The following ZNF507 variants were observed in gnomAD, a reference collection of about 807,000 sequenced individuals.
ZNF507 encodes the protein zinc finger protein 507.
A neutral mutation model predicts 80.0 loss-of-function variants in ZNF507; 29 were observed. The ratio of observed to expected loss-of-function variants is 0.36; its 90% CI spans 0.27 to 0.49. The LOEUF (loss-of-function observed/expected upper bound fraction) is 0.49. Ranked by LOEUF, ZNF507 falls within the 20% of genes least tolerant of loss-of-function variation. The pLI, the probability that ZNF507 is intolerant of heterozygous loss-of-function variation, is 0.98. For synonymous variants in ZNF507, 462 were observed against 422.5 expected, an observed-to-expected ratio of 1.09 and a Z score of -1.15; for missense variants, 1,081 against 1,152.2, an observed-to-expected ratio of 0.94 and a Z score of 0.90.
At position 32,353,043 on chromosome 19, in the gene ZNF507, A is replaced by C; in HGVS notation, c.213A>C (p.Pro71=). 6.2e-7 allele frequency: 1 copy of C among 1,614,054 alleles called. No individual in the cohort carries two copies. The highest frequency in any genetic ancestry group is 8.5e-7 in the Non-Finnish European group (1 of 1,179,958). The change falls in exon 3 of 7, where the codon CCA becomes CCC. Residue 71 remains proline, a synonymous_variant. Transcript: ENST00000355898. ...QKCLLIGKKR[P]RSSAATHSLE... is the part of the protein sequence containing the mutation. ...GTCTTTTAATTGGGAAGAAACGCCC[A>C]CGTTCAAGTGCTGCAACACACTCTC...
chr19:32,378,408 G>T (rs932345030), intron 5 of ZNF507, among the ~76,000 whole-genome samples: 1 of 152,104 alleles, frequency 6.6e-6, no homozygotes, highest in South Asian at 2.1e-4. Context: ...TTAAGGAGAC[G>T]TGAGGACTAA....
At chr19:32,371,520 C>T (rs866679518) in intron 5 of ZNF507, among the ~76,000 whole-genome samples, 1 of 150,314 alleles carries the variant, frequency 6.7e-6, no homozygotes, top group Non-Finnish European at 1.5e-5. Context: ...AGCCCAGGAA[C>T]GTTCTTATCT....
chr19:32,348,654 T>C (rs1278052555), intron 2 of ZNF507, among the ~76,000 whole-genome samples: 1 of 152,228 alleles, frequency 6.6e-6, no homozygotes, highest in Admixed American at 6.5e-5. Flanking sequence ...TATAGAACTT[T>C]TCTGGTTTGG....
intron 4 of ZNF507, chr19:32,357,628 T>A (rs1466793480): frequency 6.6e-6 from 1 of 152,226 alleles, no homozygotes; most frequent in Non-Finnish European, 1.5e-5. Context: ...GTCAAACAGA[T>A]GTCATCCCTG....
At chr19:32,375,643 A>G (rs981535333) in intron 5 of ZNF507, among the ~76,000 whole-genome samples, 9 of 152,264 alleles carry the variant, frequency 5.9e-5, no homozygotes, top group Non-Finnish European at 1.3e-4. Flanking sequence ...AGGCAACTTT[A>G]AGTTAGAATA....
At chr19:32,382,635 A>G in intron 6 of ZNF507, 34 bp downstream of exon 6, 2 of 1,613,510 alleles carry the variant, frequency 1.2e-6, no homozygotes, top group East Asian at 4.5e-5. Flanking sequence ...TTATTGCTAT[A>G]TGTAAATTAA....
intron 2 of ZNF507, among the ~76,000 whole-genome samples, chr19:32,351,097 T>G (rs2077339834): frequency 6.6e-6 from 1 of 152,108 alleles, no homozygotes; most frequent in African/African-American, 2.4e-5. Flanking sequence ...TTTTGAGAGA[T>G]TGTTTAAGGG....
chr19:32,369,326 G>A (rs1457360005), intron 5 of ZNF507, among the ~76,000 whole-genome samples: 2 of 152,192 alleles, frequency 1.3e-5, no homozygotes, highest in Admixed American at 1.3e-4. Flanking sequence ...CTTTCCCCAT[G>A]TCATGTGTAT....
rs1239386559 is a variant in ZNF507, at chr19:32,353,352, G to C, written c.522G>C (p.Val174=). ...SRSQEELEAH[V]VNDHDNDANI... ...GCCAGGAGGAACTTGAAGCCCACGT[G>C]GTGAATGACCATGACAATGATGCCA... The change falls in exon 3 of 7, where the codon GTG becomes GTC. Residue 174 remains valine (V), a synonymous_variant. Transcript: ENST00000355898. 13 of 1,614,044 alleles carry C rather than the reference G, an allele frequency of 8.1e-6. No individual in the cohort carries two copies. Among genetic ancestry groups the C allele is most frequent in the South Asian group, 3.3e-5 (3 of 91,080 alleles).
chr19:32,353,741 C>G lies in ZNF507; in HGVS notation c.911C>G (p.Ala304Gly). The change falls in exon 3 of 7, where the codon GCA (alanine) becomes GGA (glycine). Residue 304 changes from alanine (A) to glycine (G), a missense_variant. By Grantham distance (60) the Ala-to-Gly change is moderately conservative. Coordinates refer to ENST00000355898, the MANE Select transcript of ZNF507 (RefSeq NM_001136156.2). ...SAAAAPGGVD[A>G]VVIAIGESEL... ...GCTGCTGCGCCTGGTGGGGTCGATG[C>G]AGTCGTCATTGCTATTGGAGAGAGT... is the stretch of plus-strand genomic sequence containing the variant. 6.2e-6 allele frequency: 10 copies of G among 1,614,162 alleles called. No homozygotes were observed. Among genetic ancestry groups the G allele is most frequent in the Non-Finnish European group, 8.5e-6 (10 of 1,180,026 alleles).
At chr19:32,375,933 T>G (rs984993117) in intron 5 of ZNF507, among the ~76,000 whole-genome samples, 1 of 152,216 alleles carries the variant, frequency 6.6e-6, no homozygotes, top group Non-Finnish European at 1.5e-5. Context: ...GAGCACATGC[T>G]GGTGCACAAA....
chr19:32,351,056 T>C (rs1967156228), intron 2 of ZNF507, among the ~76,000 whole-genome samples: 1 of 152,256 alleles, frequency 6.6e-6, no homozygotes, highest in Non-Finnish European at 1.5e-5. Context: ...TTTTGTTCCT[T>C]CTACCTGAGA....
intron 2 of ZNF507, among the ~76,000 whole-genome samples, chr19:32,351,582 G>A (rs1005698543): frequency 1.3e-5 from 2 of 150,078 alleles, no homozygotes; most frequent in African/African-American, 4.9e-5. Flanking sequence ...GGGGCTGAAG[G>A]GCCCTTATAT....
At chr19:32,376,580 A>T (rs1967549896) in intron 5 of ZNF507, among the ~76,000 whole-genome samples, 1 of 152,258 alleles carries the variant, frequency 6.6e-6, no homozygotes, top group South Asian at 2.1e-4. Flanking sequence ...AACAAAATAA[A>T]TAGTGCAATA....
chr19:32,362,084 T>C (rs187793012), intron 5 of ZNF507, among the ~76,000 whole-genome samples: 1 of 151,918 alleles, frequency 6.6e-6, no homozygotes, highest in Admixed American at 6.5e-5. Flanking sequence ...ATTAGCTAAT[T>C]AGAGACGGGG....
At chr19:32,350,240 T>TTAACCTGTGC (rs1049862024) in intron 2 of ZNF507, among the ~76,000 whole-genome samples, 4 of 152,052 alleles carry the variant, frequency 2.6e-5, no homozygotes, top group Admixed American at 2.0e-4. Context: ...TTTTATGAGA[T>TTAACCTGTGC]TAACCTGTGC....
At position 32,353,022 on chromosome 19, in the gene ZNF507, T is replaced by G. The variant is rs369195364; in HGVS notation, c.192T>G (p.Leu64=). Residue 64 remains leucine, a synonymous_variant, in exon 3 of 7, where the codon CTT becomes CTG. Coordinates refer to ENST00000355898, the MANE Select transcript of ZNF507 (RefSeq NM_001136156.2). ...IVENEKSQKC[L]LIGKKRPRSS... ...AAAATGAAAAGTCACAAAAATGTCT[T>G]TTAATTGGGAAGAAACGCCCACGTT... 11 of 1,613,988 alleles carry G rather than the reference T, an allele frequency of 6.8e-6. No homozygotes were observed. Among genetic ancestry groups the G allele is most frequent in the Non-Finnish European group, 8.5e-6 (10 of 1,179,982 alleles).
In ZNF507 at chr19:32,386,646, C is replaced by T. The variant is rs116985108; in HGVS notation, c.*3563C>T. 422 of 152,732 alleles carry T rather than the reference C, an allele frequency of 2.8e-3. 1 individual carries two copies. Among genetic ancestry groups the T allele is most frequent in the Non-Finnish European group, 4.9e-3 (334 of 68,038 alleles). 9.5% of individuals were successfully genotyped at this position (152,732 alleles called of 1,614,324 possible). A position where few individuals can be genotyped will look rare whatever the true frequency, so the allele number is the denominator to read the frequency against. ...TTGTAAAATTATCCTGCACATCAAG[C>T]TGCATGCCTTAAAGCGGAAACTCTA... On this transcript the variant is annotated 3_prime_UTR_variant, in exon 7 of 7. Coordinates refer to ENST00000355898, the MANE Select transcript of ZNF507 (RefSeq NM_001136156.2).
intron 5 of ZNF507, among the ~76,000 whole-genome samples, chr19:32,361,386 T>C (rs1348940943): frequency 2.0e-5 from 3 of 152,314 alleles, no homozygotes; most frequent in South Asian, 2.1e-4. Context: ...TCTGTAGATA[T>C]GATACAAGTG....
Sources: gnomAD v4.1 joint callset for allele counts (sites outside exome capture counted in the v4.1 genomes callset) on GRCh38, gnomAD v4.1.1 for gene constraint, MANE v1.5 for transcripts, NCBI Gene and HGNC (gene_info 2026-07-23, HGNC 2026-07-21) for gene names.